SYNPR: variants seen among roughly 807,000 people sequenced by gnomAD.
SYNPR encodes synaptoporin.
A neutral mutation model predicts 32.9 loss-of-function variants in SYNPR; 23 were observed. The observed-to-expected ratio is 0.70, with a 90% CI of 0.50 to 0.99. The LOEUF (loss-of-function observed/expected upper bound fraction) is 0.99. Among genes scored for constraint, SYNPR ranks in the 50% least tolerant of loss-of-function variants. The pLI, the probability that SYNPR is intolerant of heterozygous loss-of-function variation, is 0.00. For missense variants in SYNPR, 318 were observed against 349.3 expected, an observed-to-expected ratio of 0.91 and a Z score of 0.71; for synonymous variants, 146 against 135.9, an observed-to-expected ratio of 1.07 and a Z score of -0.52.
At chr3:63,236,066 CTT>C (rs537901577) in intron 1 of SYNPR, among the ~76,000 whole-genome samples, 1,991 of 86,314 alleles carry the variant, frequency 0.023, 45 homozygotes, top group African/African-American at 0.065. Flanking sequence ...GCTGAGGTTT[CTT>C]TTTTTTTTTT....
intron 3 of SYNPR, among the ~76,000 whole-genome samples, chr3:63,270,997 T>TTCTTTCCTTCCTTCATTCCTTCCTTC (rs1367225411): frequency 3.2e-5 from 2 of 61,818 alleles, no homozygotes; most frequent in Non-Finnish European, 6.7e-5. Flanking sequence ...TTCCTTCCTT[T>TTCTTTCCTTCCTTCATTCCTTCCTTC]TCTTTCCTTC....
At chr3:63,461,869 T>A (rs1241783015) in intron 2 of SYNPR, among the ~76,000 whole-genome samples, 2 of 152,034 alleles carry the variant, frequency 1.3e-5, no homozygotes, top group Non-Finnish European at 2.9e-5. Context: ...ATTATGGATG[T>A]AAAGCAGTTT....
chr3:63,309,335 C>A (rs1279009304), intron 2 of SYNPR, among the ~76,000 whole-genome samples: 1 of 151,798 alleles, frequency 6.6e-6, no homozygotes, highest in African/African-American at 2.4e-5. Flanking sequence ...TCAATTGATT[C>A]TTCTCCTCAT....
At chr3:63,467,956 T>C (rs750557994) in intron 2 of SYNPR, among the ~76,000 whole-genome samples, 196 of 151,908 alleles carry the variant, frequency 1.3e-3, no homozygotes, top group Non-Finnish European at 2.3e-3. Flanking sequence ...TCCCAGCAGT[T>C]TGGGAGGTTG....
chr3:63,234,872 G>A (rs1186998550), intron 1 of SYNPR, among the ~76,000 whole-genome samples: 1 of 152,074 alleles, frequency 6.6e-6, no homozygotes, highest in African/African-American at 2.4e-5. Context: ...AATAATGAGA[G>A]GCTCTATCAT....
intron 3 of SYNPR, among the ~76,000 whole-genome samples, chr3:63,500,474 CTTACAAGGTGAT>C (rs1422588823): frequency 6.6e-6 from 1 of 152,066 alleles, no homozygotes; most frequent in African/African-American, 2.4e-5. Context: ...CCCTGCCCAC[CTTACAAGGTGAT>C]TACAGATCAA....
At chr3:63,495,433 T>C (rs1202584138) in intron 3 of SYNPR, among the ~76,000 whole-genome samples, 1 of 152,178 alleles carries the variant, frequency 6.6e-6, no homozygotes, top group Non-Finnish European at 1.5e-5. Context: ...TGCTGTGATA[T>C]AAGAAGTAAG....
intron 2 of SYNPR, among the ~76,000 whole-genome samples, chr3:63,435,458 G>T (rs115525591): frequency 1.3e-3 from 191 of 152,328 alleles, no homozygotes; most frequent in Non-Finnish European, 2.4e-3. Context: ...GTTCTCCACA[G>T]TTTTTCATTT....
At chr3:63,242,690 A>C (rs928412571) in intron 1 of SYNPR, among the ~76,000 whole-genome samples, 4 of 152,120 alleles carry the variant, frequency 2.6e-5, no homozygotes. Flanking sequence ...CCCTGGTTGG[A>C]GATTCAAAAC....
intron 2 of SYNPR, chr3:63,427,332 C>T (rs556483146): frequency 5.6e-4 from 85 of 152,010 alleles, no homozygotes; most frequent in African/African-American, 1.9e-3. Context: ...TTGGTTACAG[C>T]TCAAAGGACA....
intron 2 of SYNPR, chr3:63,252,707 C>A (rs921936988): frequency 6.6e-6 from 1 of 152,074 alleles, no homozygotes; most frequent in African/African-American, 2.4e-5. Context: ...AGTTAATGGA[C>A]ACTGAGCAAA....
chr3:63,466,454 G>GTTTTTTT (rs34563762), intron 2 of SYNPR, among the ~76,000 whole-genome samples: 1 of 145,710 alleles, frequency 6.9e-6, no homozygotes, highest in Non-Finnish European at 1.5e-5. Flanking sequence ...TTCAGGATTT[G>GTTTTTTT]TTTTTTTTTT....
chr3:63,209,579 T>C, the SYNPR span, among the ~76,000 whole-genome samples: 118,789 of 152,072 alleles, frequency 0.78, 46,888 homozygotes, highest in Middle Eastern at 0.87. Context: ...TTTAGCCGTA[T>C]TGCCTTTCTT....
chr3:63,437,108 C>T (rs1015303533), intron 2 of SYNPR, among the ~76,000 whole-genome samples: 2 of 152,060 alleles, frequency 1.3e-5, no homozygotes, highest in African/African-American at 4.8e-5. Flanking sequence ...AACTCCTGAC[C>T]TCAAGTTATC....
chr3:63,515,277 G>A (rs543290821), intron 3 of SYNPR, among the ~76,000 whole-genome samples: 1 of 151,812 alleles, frequency 6.6e-6, no homozygotes, highest in African/African-American at 2.4e-5. Flanking sequence ...CCCCTCTGTT[G>A]TTCTCACCTC....
rs1343284853 is a variant in SYNPR, at chr3:63,615,433, G to A, written c.810G>A (p.Glu270=). The A allele has an allele frequency of 1.5e-5, 24 of 1,613,860 alleles. No individual in the cohort carries two copies. The highest frequency in any genetic ancestry group is 1.9e-5 in the Non-Finnish European group (23 of 1,179,896). ...CGAGTTTGGGGCCAACCTCAGATGA[G>A]TTTGGCCAACAGCCTACTGGCCCCA... ...QQASLGPTSD[E]FGQQPTGPTS... The change falls in exon 6 of 6, where the codon GAG becomes GAA. Residue 270 remains glutamate (E), a synonymous_variant. Coordinates refer to ENST00000478300, the MANE Select transcript of SYNPR (RefSeq NM_001130003.2).
chr3:63,225,392 C>G (rs932372733), upstream of SYNPR, among the ~76,000 whole-genome samples: 5 of 152,170 alleles, frequency 3.3e-5, no homozygotes, highest in Admixed American at 3.3e-4. Context: ...GAGAGATTCT[C>G]ACTGCTATCT....
chr3:63,394,927 C>T (rs2088191675), intron 2 of SYNPR, among the ~76,000 whole-genome samples: 2 of 152,222 alleles, frequency 1.3e-5, no homozygotes, highest in African/African-American at 4.8e-5. Flanking sequence ...CATAATTTAT[C>T]TAATGAAATC....
intron 2 of SYNPR, among the ~76,000 whole-genome samples, chr3:63,408,253 GAA>G: frequency 8.4e-6 from 1 of 119,620 alleles, no homozygotes; most frequent in African/African-American, 3.7e-5. Flanking sequence ...AAGAAAGAAA[GAA>G]AGAAAGAAAG....
Sources: gnomAD v4.1 joint callset for allele counts (sites outside exome capture counted in the v4.1 genomes callset) on GRCh38, gnomAD v4.1.1 for gene constraint, MANE v1.5 for transcripts, NCBI Gene and HGNC (gene_info 2026-07-23, HGNC 2026-07-21) for gene names.